The following PIGR variants were observed in gnomAD, a reference collection of about 807,000 sequenced individuals.
The protein encoded by PIGR is polymeric immunoglobulin receptor.
Under a neutral mutation model 69.5 loss-of-function variants are expected in PIGR, and 22 were observed. That is an observed-to-expected ratio of 0.32 (90% CI 0.23 to 0.45). PIGR has a LOEUF of 0.45. PIGR is among the 20% of genes least tolerant of loss of function. PIGR has a pLI of 1.00. For missense variants in PIGR, 885 were observed against 974.0 expected (o/e 0.91, Z 1.22); for synonymous variants, 413 against 407.6 (o/e 1.01, Z -0.16).
rs201955354 is a variant in PIGR at position 206,937,565 on chromosome 1, C to A, written c.575G>T (p.Arg192Leu). ...CTGGCCAGTACCCTGAATATCAAGG[C>A]GTATTCTTCCTGTATAGTTGGGATT... ...YVNPNYTGRI[R>L]LDIQGTGQLL... Residue 192 changes from arginine to leucine, a missense_variant, in exon 4 of 11, where the codon CGC (arginine) becomes CTC (leucine). Coordinates refer to ENST00000356495, the MANE Select transcript of PIGR (RefSeq NM_002644.4). 1.2e-6 allele frequency: 2 copies of A among 1,614,024 alleles called. No individual in the cohort carries two copies. Among genetic ancestry groups the A allele is most frequent in the Admixed American group, 1.7e-5 (1 of 59,996 alleles).
Position 206,935,598 on chromosome 1 carries a change from G to A in PIGR, c.1266C>T (p.Gly422=), listed in dbSNP as rs1430753090. 1 of 1,614,226 alleles carries A rather than the reference G, an allele frequency of 6.2e-7. No individual in the cohort carries two copies. Among genetic ancestry groups the A allele is most frequent in the South Asian group, 1.1e-5 (1 of 91,092 alleles). Residue 422 remains glycine, a synonymous_variant, in exon 5 of 11, where the codon GGC becomes GGT. Coordinates refer to ENST00000356495, the MANE Select transcript of PIGR (RefSeq NM_002644.4). This position sits in a 1 kb window ranked among gnomAD's most constrained non-coding sequence, Gnocchi z 4.4. ...GCTGGTTGAGGATGACAGTGAAGGT[G>A]CCGTTGCCTGGCTCCTCCAGCAGGG... The part of the protein sequence containing the change: ...RLSLLEEPGN[G]TFTVILNQLT...
rs369841160 is a variant in PIGR, at chr1:206,939,501, G to A, written c.44-38C>T. On this transcript the variant is annotated intron_variant, in intron 2 of 10. Transcript: ENST00000356495. ...AAGAGAGAGGCTTTCTGAGGCCCTTGGGAGGTAAAGCCTGTTCCAGATAAC... is the reference window on the plus strand; with the variant it reads ...AAGAGAGAGGCTTTCTGAGGCCCTTAGGAGGTAAAGCCTGTTCCAGATAAC... 6.5e-5 allele frequency: 95 copies of A among 1,466,396 alleles called. No homozygotes were observed. In the African/African-American group the frequency reaches 1.2e-3, roughly 19 times the overall value. 90.8% of individuals were successfully genotyped at this position (1,466,396 alleles called of 1,614,324 possible). A position where few individuals can be genotyped will look rare whatever the true frequency, so the allele number is the denominator to read the frequency against.
intron 2 of PIGR, among the ~76,000 whole-genome samples, chr1:206,939,710 C>T (rs980471015): frequency 1.3e-5 from 2 of 152,040 alleles, no homozygotes; most frequent in Non-Finnish European, 2.9e-5. Flanking sequence ...TTTATGATAA[C>T]CCTTGTTTTT....
chr1:206,935,724 G>A lies in PIGR; in HGVS notation c.1140C>T (p.Ser380=). ...LCPYNRKESK[S]IKYWCLWEGA... Reference sequence around the variant, plus strand: ...CTTCCCAGAGACACCAGTACTTGATGCTTTTGCTTTCCTTACGGTTGTAGG... The same window carrying A: ...CTTCCCAGAGACACCAGTACTTGATACTTTTGCTTTCCTTACGGTTGTAGG... The change falls in exon 5 of 11, where the codon AGC becomes AGT. Residue 380 remains serine, a synonymous_variant. Coordinates refer to ENST00000356495, the MANE Select transcript of PIGR (RefSeq NM_002644.4). The surrounding 1 kb of genome is among the most constrained non-coding windows in gnomAD (Gnocchi z 4.4). 5.6e-6 allele frequency: 9 copies of A among 1,614,126 alleles called. No individual in the cohort carries two copies. Among genetic ancestry groups the A allele is most frequent in the Non-Finnish European group, 7.6e-6 (9 of 1,180,012 alleles).
intron 8 of PIGR, 62 bp from the exon 9 acceptor site, chr1:206,931,864 G>T: frequency 6.3e-7 from 1 of 1,598,240 alleles, no homozygotes; most frequent in East Asian, 2.2e-5. Context: ...GGCCAGGCTG[G>T]GCTGCTTCTC....
Position 206,937,595 on chromosome 1 carries a change from T to A in PIGR, c.545A>T (p.Tyr182Phe), listed in dbSNP as rs1432237587. The A allele has an allele frequency of 2.5e-6, 4 of 1,613,928 alleles. No individual in the cohort carries two copies. The highest frequency in any genetic ancestry group is 3.3e-5 in the Admixed American group (2 of 59,974). Reference protein sequence around the residue: ...YPVLVIDSSGYVNPNYTGRIR... With the variant: ...YPVLVIDSSGFVNPNYTGRIR... ...TCTTCCTGTATAGTTGGGATTTACA[T>A]AACCACTGGAGTCGATGACCAGCAC... The change falls in exon 4 of 11, where the codon TAT becomes TTT. Residue 182 changes from tyrosine (Y) to phenylalanine (F), a missense_variant. By Grantham distance (22) the Tyr-to-Phe change is conservative. Transcript: ENST00000356495.
Position 206,937,434 on chromosome 1 carries a change from G to A in PIGR, c.706C>T (p.Gln236Ter). Residue 236 changes from glutamine (Q) to a stop codon, truncating the protein, a stop_gained, in exon 4 of 11, where the codon CAA (glutamine) becomes TAA (stop). Coordinates refer to ENST00000356495, the MANE Select transcript of PIGR (RefSeq NM_002644.4). LOFTEE classifies it high-confidence loss of function. ...SNSNKKNADL[Q>*]VLKPEPELVY... is the part of the protein sequence containing the mutation. ...AGCTCGGGCTCGGGCTTTAGCACTT[G>A]GAGGTCAGCATTCTTCTTATTACTA... is the stretch of plus-strand genomic sequence containing the variant. 1 of 1,614,136 alleles carries A rather than the reference G, an allele frequency of 6.2e-7. No individual in the cohort carries two copies. The highest frequency in any genetic ancestry group is 8.5e-7 in the Non-Finnish European group (1 of 1,180,000).
intron 2 of PIGR, 137 bp downstream of exon 2, chr1:206,940,352 C>T (rs761520140): frequency 1.3e-6 from 1 of 752,020 alleles, no homozygotes; most frequent in East Asian, 2.8e-5. Flanking sequence ...CTGTATGACT[C>T]TTCCTCAAGG....
chr1:206,937,784 G>T, intron 3 of PIGR, 33 bp from the exon 4 acceptor site: 3 of 1,594,468 alleles, frequency 1.9e-6, no homozygotes, highest in Non-Finnish European at 1.7e-6. Flanking sequence ...TAGGGGGCAG[G>T]CAAGTTACGA....
In PIGR at chr1:206,939,143, C is replaced by G. The variant is rs773062525; in HGVS notation, c.364G>C (p.Asp122His). Residue 122 changes from aspartate to histidine, a missense_variant, in exon 3 of 11, where the codon GAT becomes CAT. Physicochemically the swap from Asp to His is moderately conservative, Grantham distance 81. Transcript: ENST00000356495. ...LGINSRGLSF[D>H]VSLEVSQGPG... ...CCCTGGCTGACCTCCAGGCTGACAT[C>G]AAAGGACAGGCCTCGGCTATTGATG... The G allele has an allele frequency of 6.2e-7, 1 of 1,611,630 alleles. No homozygotes were observed. Among genetic ancestry groups the G allele is most frequent in the Non-Finnish European group, 8.5e-7 (1 of 1,178,016 alleles).
In PIGR at chr1:206,933,014, C is replaced by T. The variant is rs768728189; in HGVS notation, c.1858G>A (p.Gly620Arg). 2 of 1,614,218 alleles carry T rather than the reference C, an allele frequency of 1.2e-6. No homozygotes were observed. Among genetic ancestry groups the T allele is most frequent in the Admixed American group, 3.3e-5 (2 of 60,026 alleles). Residue 620 changes from glycine to arginine, a missense_variant, in exon 7 of 11, where the codon GGG (glycine) becomes AGG (arginine). Physicochemically the swap from Gly to Arg is moderately radical, Grantham distance 125. Transcript: ENST00000356495. ...CCGGAATCCACAGATGCTCTGCTCC[C>T]ATCGGCTTGATCTCTTGTATCTGCC... Reference protein sequence around the residue: ...AVADTRDQADGSRASVDSGSS... With the variant: ...AVADTRDQADRSRASVDSGSS...
Position 206,937,273 on chromosome 1 carries a change from C to G in PIGR, c.867G>C (p.Arg289Ser). The G allele has an allele frequency of 8.7e-6, 14 of 1,613,694 alleles. No homozygotes were observed. The highest frequency in any genetic ancestry group is 1.2e-5 in the Non-Finnish European group (14 of 1,179,840). The change falls in exon 4 of 11, where the codon AGG (arginine) becomes AGC (serine). Residue 289 changes from arginine (R) to serine (S), a missense_variant. Arg to Ser is a moderately radical substitution (Grantham distance 110, BLOSUM62 -1). Coordinates refer to ENST00000356495, the MANE Select transcript of PIGR (RefSeq NM_002644.4). Reference protein sequence around the residue: ...CDVVVNTLGKRAPAFEGRILL... With the variant: ...CDVVVNTLGKSAPAFEGRILL... ...GGATCCTGCCCTCAAAGGCTGGGGC[C>G]CTCTTCCCCAGGGTGTTGACGACCA...
At chr1:206,933,209 T>C (rs772141900) in intron 6 of PIGR, 43 bp from the exon 7 acceptor site, 1 of 1,598,956 alleles carries the variant, frequency 6.3e-7, no homozygotes, top group Non-Finnish European at 8.6e-7. Context: ...TTTTTCTCTA[T>C]GCTCTTACTC....
Position 206,937,838 on chromosome 1 carries a change from G to A in PIGR, c.389-87C>T, listed in dbSNP as rs548905654. 13 of 1,223,148 alleles carry A rather than the reference G, an allele frequency of 1.1e-5. No individual in the cohort carries two copies. The East Asian group carries it at 1.5e-4, about 14-fold the overall frequency. The allele number at this position is 1,223,148 out of a possible 1,614,324, so 75.8% of individuals were successfully genotyped here. A position where few individuals can be genotyped will look rare whatever the true frequency, so the allele number is the denominator to read the frequency against. Reference sequence around the variant, plus strand: ...TAGGACTATTTGCTATTCCTAGTTAGGGTGTGGGTGGACTTATAACCTGGA... The same window carrying A: ...TAGGACTATTTGCTATTCCTAGTTAAGGTGTGGGTGGACTTATAACCTGGA... On this transcript the variant is annotated intron_variant, in intron 3 of 10. Transcript: ENST00000356495.
In PIGR at chr1:206,935,402, G is replaced by T; in HGVS notation, c.1378+84C>A. The T allele has an allele frequency of 8.3e-7, 1 of 1,197,646 alleles. No homozygotes were observed. Among genetic ancestry groups the T allele is most frequent in the Non-Finnish European group, 1.2e-6 (1 of 832,994 alleles). The allele number at this position is 1,197,646 out of a possible 1,614,324, so 74.2% of individuals were successfully genotyped here. On this transcript the variant is annotated intron_variant, in intron 5 of 10. Transcript: ENST00000356495. This position sits in a 1 kb window ranked among gnomAD's most constrained non-coding sequence, Gnocchi z 4.4. ...GGTCTGGCCCATCAGGGTGGAGGCG[G>T]GTGAAAAAGGAGGAAGAGTGGTTGG...
intron 4 of PIGR, among the ~76,000 whole-genome samples, chr1:206,936,344 A>G (rs291098): frequency 1 from 151,952 of 152,338 alleles, 75,784 homozygotes; most frequent in Middle Eastern, 1. Context: ...TAAAGCTGAG[A>G]TCCAGAGAGA....
In PIGR at chr1:206,930,212, G is replaced by A; in HGVS notation, c.*106C>T. On this transcript the variant is annotated 3_prime_UTR_variant, in exon 11 of 11. Coordinates refer to ENST00000356495, the MANE Select transcript of PIGR (RefSeq NM_002644.4). This position sits in a 1 kb window ranked among gnomAD's most constrained non-coding sequence, Gnocchi z 4.3. ...TCTGAGGACAGTAGGAAAAACCTAG[G>A]CAGGTGTTAGAGCAGGGAGTGGGGT... The A allele has an allele frequency of 1.1e-6, 1 of 893,542 alleles. No homozygotes were observed. The highest frequency in any genetic ancestry group is 2.8e-5 in the East Asian group (1 of 35,930). The allele number at this position is 893,542 out of a possible 1,614,324, so 55.4% of individuals were successfully genotyped here. A position where few individuals can be genotyped will look rare whatever the true frequency, so the allele number is the denominator to read the frequency against.
chr1:206,937,979 T>G (rs1213031584), intron 3 of PIGR, among the ~76,000 whole-genome samples: 1 of 152,236 alleles, frequency 6.6e-6, no homozygotes, highest in Non-Finnish European at 1.5e-5. Flanking sequence ...TCTTGATACA[T>G]CTGCATCACT....
At chr1:206,937,891 C>A in intron 3 of PIGR, 140 bp from the exon 4 acceptor site, 1 of 721,538 alleles carries the variant, frequency 1.4e-6, no homozygotes, top group Admixed American at 2.8e-5. Flanking sequence ...GGAATGCTGT[C>A]GGAAGGCCCA....
Sources: allele counts gnomAD v4.1 joint callset (sites outside exome capture counted in the v4.1 genomes callset), GRCh38; gene constraint gnomAD v4.1.1; non-coding constraint Gnocchi (gnomAD v3.1); transcripts MANE v1.5; gene names NCBI Gene and HGNC (gene_info 2026-07-23, HGNC 2026-07-21).